ACOD1: variants seen among roughly 807,000 people sequenced by gnomAD.
ACOD1 encodes cis-aconitate decarboxylase.
A neutral mutation model predicts 14.2 loss-of-function variants in ACOD1; 14 were observed. The ratio of observed to expected loss-of-function variants is 0.99; its 90% CI spans 0.65 to 1.54. ACOD1 has a LOEUF of 1.54. Among genes scored for constraint, ACOD1 ranks in the 40% most tolerant of loss-of-function variants. ACOD1 has a pLI of 0.00. For missense variants in ACOD1, 530 were observed against 586.3 expected, an observed-to-expected ratio of 0.90 and a Z score of 0.99; for synonymous variants, 182 against 221.7, an observed-to-expected ratio of 0.82 and a Z score of 1.59.
At chr13:76,949,864 T>A (rs2033805928) in intron 1 of ACOD1, among the ~76,000 whole-genome samples, 2 of 152,206 alleles carry the variant, frequency 1.3e-5, no homozygotes, top group African/African-American at 4.8e-5. Flanking sequence ...AACTGCAATT[T>A]CTAGCAGCGT....
chr13:76,955,480 C>T lies in ACOD1; in HGVS notation c.426C>T (p.Gly142=), dbSNP rs2033866066. ...LAFNVGIEVQ[G]RLLHFAKEAN... is the part of the protein sequence containing the mutation. ...TCAATGTTGGTATTGAAGTGCAAGG[C>T]CGATTACTGCATTTCGCCAAGGAGG... The change falls in exon 4 of 5, where the codon GGC becomes GGT. Residue 142 remains glycine (G), a synonymous_variant. Transcript: ENST00000377462. 1.9e-6 allele frequency: 3 copies of T among 1,550,544 alleles called. No homozygotes were observed. Among genetic ancestry groups the T allele is most frequent in the African/African-American group, 1.4e-5 (1 of 73,046 alleles).
intron 3 of ACOD1, 64 bp downstream of exon 3, chr13:76,953,753 A>T: frequency 9.5e-7 from 1 of 1,051,406 alleles, no homozygotes; most frequent in Non-Finnish European, 1.4e-6. Context: ...GTCAGGAAAT[A>T]TCTCAGAAAT....
intron 3 of ACOD1, among the ~76,000 whole-genome samples, chr13:76,954,578 C>T (rs573800463): frequency 5.9e-5 from 9 of 152,282 alleles, no homozygotes; most frequent in African/African-American, 1.7e-4. Flanking sequence ...GGTACAAAAA[C>T]GTATGGCCTC....
intron 3 of ACOD1, among the ~76,000 whole-genome samples, chr13:76,954,976 A>C (rs1281598920): frequency 4.0e-5 from 6 of 151,754 alleles, no homozygotes; most frequent in Non-Finnish European, 8.8e-5. Flanking sequence ...AAAATACAAA[A>C]ATTAGCCAGG....
chr13:76,957,689 CT>C lies in ACOD1; in HGVS notation c.1151del (p.Leu384ArgfsTer5), dbSNP rs1405784693. On this transcript the variant is annotated frameshift_variant, in exon 5 of 5. Coordinates refer to ENST00000377462, the MANE Select transcript of ACOD1 (RefSeq NM_001258406.2). LOFTEE classifies it low-confidence loss of function (END_TRUNC). The part of the protein sequence containing the change: ...PPDNLPSFNI[L>X]YCEISVTLKD... ...GGACAACTTGCCAAGCTTCAACATACTGTACTGTGAAATAAGTGTCACCCTC... is the reference window on the plus strand; with the variant it reads ...GGACAACTTGCCAAGCTTCAACATACGTACTGTGAAATAAGTGTCACCCTC... 6.4e-7 allele frequency: 1 copy of C among 1,550,530 alleles called. No individual in the cohort carries two copies. The highest frequency in any genetic ancestry group is 1.4e-5 in the African/African-American group (1 of 73,042).
chr13:76,951,008 A>G (rs1875561828), intron 1 of ACOD1, among the ~76,000 whole-genome samples: 1 of 151,890 alleles, frequency 6.6e-6, no homozygotes, highest in African/African-American at 2.4e-5. Flanking sequence ...CTCCATTCTC[A>G]TCACCCTACA....
rs866858948 is a variant in ACOD1 at position 76,957,530 on chromosome 13, C to T, written c.991C>T (p.Arg331Cys). ...CTTTCCAGTTTCGGAGCATGAAGCC[C>T]GTCATTCATTCCAGTATGTGGCCTG... is the stretch of plus-strand genomic sequence containing the variant. Reference protein sequence around the residue: ...RPFPVSEHEARHSFQYVACAM... With the variant: ...RPFPVSEHEACHSFQYVACAM... Residue 331 changes from arginine to cysteine, a missense_variant, in exon 5 of 5, where the codon CGT becomes TGT. By Grantham distance (180) the Arg-to-Cys change is radical (BLOSUM62 -3). Coordinates refer to ENST00000377462, the MANE Select transcript of ACOD1 (RefSeq NM_001258406.2). The T allele has an allele frequency of 5.8e-6, 9 of 1,550,444 alleles. No individual in the cohort carries two copies. In the African/African-American group the frequency reaches 6.8e-5, roughly 12 times the overall value.
chr13:76,951,262 G>GTC (rs2033818516), intron 1 of ACOD1, among the ~76,000 whole-genome samples: 1 of 152,110 alleles, frequency 6.6e-6, no homozygotes, highest in Admixed American at 6.5e-5. Context: ...GATGAGAGGA[G>GTC]TCTCACTCTG....
chr13:76,957,628 A>G lies in ACOD1; in HGVS notation c.1089A>G (p.Arg363=). ...HECQINRPQV[R]ELLSKVELEY... is the part of the protein sequence containing the mutation. ...GCCAGATCAACAGGCCACAGGTGAGAGAGCTGCTCAGTAAGGTGGAGCTGG... is the reference window on the plus strand; with the variant it reads ...GCCAGATCAACAGGCCACAGGTGAGGGAGCTGCTCAGTAAGGTGGAGCTGG... Residue 363 remains arginine, a synonymous_variant, in exon 5 of 5, where the codon AGA becomes AGG. Transcript: ENST00000377462. 3.2e-6 allele frequency: 5 copies of G among 1,550,626 alleles called. No individual in the cohort carries two copies. Among genetic ancestry groups the G allele is most frequent in the Non-Finnish European group, 4.4e-6 (5 of 1,146,996 alleles).
intron 4 of ACOD1, among the ~76,000 whole-genome samples, chr13:76,956,511 A>T (rs1566207075): frequency 6.6e-6 from 1 of 150,518 alleles, no homozygotes; most frequent in East Asian, 2.0e-4. Context: ...TATTATTATT[A>T]TTTTTATTAT....
rs1304925762 is a variant in ACOD1 at position 76,958,244 on chromosome 13, T to C, written c.*259T>C. The C allele has an allele frequency of 1.0e-5, 4 of 381,600 alleles. No individual in the cohort carries two copies. The highest frequency in any genetic ancestry group is 1.9e-5 in the Non-Finnish European group (4 of 212,698). 23.6% of individuals were successfully genotyped at this position (381,600 alleles called of 1,614,324 possible). A position where few individuals can be genotyped will look rare whatever the true frequency, so the allele number is the denominator to read the frequency against. ...GGGTGAAATTCAACTCACCTGTGAT[T>C]TACTTATAAAATTAATCTCTTCATA... On this transcript the variant is annotated 3_prime_UTR_variant, in exon 5 of 5. Coordinates refer to ENST00000377462, the MANE Select transcript of ACOD1 (RefSeq NM_001258406.2).
intron 1 of ACOD1, among the ~76,000 whole-genome samples, chr13:76,950,540 A>T (rs1356859299): frequency 6.6e-6 from 1 of 152,242 alleles, no homozygotes; most frequent in African/African-American, 2.4e-5. Flanking sequence ...TAGAAGCAGA[A>T]TGAGCTTCTC....
In ACOD1 at chr13:76,955,161, A is replaced by G. The variant is rs533816627; in HGVS notation, c.265-158A>G. Among the ~76,000 whole-genome samples the G allele has an allele frequency of 1.1e-4, 16 of 149,872 alleles. No individual in the cohort carries two copies. In the East Asian group the frequency reaches 3.1e-3, roughly 29 times the overall value. On this transcript the variant is annotated intron_variant, in intron 3 of 4. Coordinates refer to ENST00000377462, the MANE Select transcript of ACOD1 (RefSeq NM_001258406.2). Reference sequence around the variant, plus strand: ...AAAAAAAAAAAAAAAAAGAAAAAAAATCACAGACATTTCTCAGATTTTCTT... The same window carrying G: ...AAAAAAAAAAAAAAAAAGAAAAAAAGTCACAGACATTTCTCAGATTTTCTT...
intron 4 of ACOD1, among the ~76,000 whole-genome samples, chr13:76,956,496 G>C (rs140645879): frequency 6.6e-6 from 1 of 151,504 alleles, no homozygotes; most frequent in African/African-American, 2.4e-5. Flanking sequence ...CATCGTGCCC[G>C]GCCTTATTAT....
chr13:76,955,517 C>T lies in ACOD1; in HGVS notation c.463C>T (p.Pro155Ser). Residue 155 changes from proline (P) to serine (S), a missense_variant, in exon 4 of 5, where the codon CCA (proline) becomes TCA (serine). Coordinates refer to ENST00000377462, the MANE Select transcript of ACOD1 (RefSeq NM_001258406.2). ...LHFAKEANDM[P>S]KRFHPPSVVG... Reference sequence around the variant, plus strand: ...TTTCGCCAAGGAGGCCAATGACATGCCAAAGAGGTATGGAGAGAATTTGCC... The same window carrying T: ...TTTCGCCAAGGAGGCCAATGACATGTCAAAGAGGTATGGAGAGAATTTGCC... 2.6e-6 allele frequency: 4 copies of T among 1,550,506 alleles called. No homozygotes were observed. The highest frequency in any genetic ancestry group is 2.4e-5 in the East Asian group (1 of 40,924).
rs1337758525 is a variant in ACOD1, at chr13:76,955,556, GT to G, written c.470+33del. ...AGAGAATTTGCCCCATCAAAAGGTA[GT>G]CACATCCCCTTCATCTATCAATCAT... On this transcript the variant is annotated intron_variant, in intron 4 of 4. Transcript: ENST00000377462. 14 of 1,522,756 alleles carry G rather than the reference GT, an allele frequency of 9.2e-6. No homozygotes were observed. The Admixed American group carries it at 2.8e-4, about 30-fold the overall frequency. The allele number at this position is 1,522,756 out of a possible 1,614,324, so 94.3% of individuals were successfully genotyped here. A position where few individuals can be genotyped will look rare whatever the true frequency, so the allele number is the denominator to read the frequency against.
Position 76,955,541 on chromosome 13 carries a change from C to T in ACOD1, c.470+17C>T, listed in dbSNP as rs2033867066. ...GCCAAAGAGGTATGGAGAGAATTTGCCCCATCAAAAGGTAGTCACATCCCC... is the reference window on the plus strand; with the variant it reads ...GCCAAAGAGGTATGGAGAGAATTTGTCCCATCAAAAGGTAGTCACATCCCC... On this transcript the variant is annotated intron_variant, in intron 4 of 4. Transcript: ENST00000377462. The T allele has an allele frequency of 1.3e-6, 2 of 1,546,206 alleles. No individual in the cohort carries two copies. Among genetic ancestry groups the T allele is most frequent in the African/African-American group, 1.4e-5 (1 of 73,106 alleles).
At chr13:76,953,421 CA>C (rs1416290021) in intron 2 of ACOD1, among the ~76,000 whole-genome samples, 178 bp from the exon 3 acceptor site, 1 of 152,178 alleles carries the variant, frequency 6.6e-6, no homozygotes, top group Non-Finnish European at 1.5e-5. Context: ...CCCCCTTTCA[CA>C]GGGGAGAGCT....
At chr13:76,948,920 T>C (rs913266835) in intron 1 of ACOD1, among the ~76,000 whole-genome samples, 2 of 152,180 alleles carry the variant, frequency 1.3e-5, no homozygotes, top group African/African-American at 2.4e-5. Context: ...GCAGGAACCA[T>C]CCAGTATTGA....
Sources: gnomAD v4.1 joint callset for allele counts (sites outside exome capture counted in the v4.1 genomes callset) on GRCh38, gnomAD v4.1.1 for gene constraint, MANE v1.5 for transcripts, NCBI Gene and HGNC (gene_info 2026-07-23, HGNC 2026-07-21) for gene names.